The following NALCN variants were observed in gnomAD, a reference collection of about 807,000 sequenced individuals.
The protein encoded by NALCN is sodium leak channel NALCN.
In NALCN, 111 loss-of-function variants were observed where a neutral mutation model predicts 225.3. The observed-to-expected ratio is 0.49, with a 90% CI of 0.42 to 0.58. NALCN has a LOEUF of 0.58. Among genes scored for constraint, NALCN ranks in the 20% least tolerant of loss-of-function variants. The pLI, the probability that NALCN is intolerant of heterozygous loss-of-function variation, is 0.00. For synonymous variants in NALCN, 764 were observed against 769.0 expected, an observed-to-expected ratio of 0.99 and a Z score of 0.11; for missense variants, 1,378 against 2,202.4, an observed-to-expected ratio of 0.63 and a Z score of 7.49.
intron 18 of NALCN, among the ~76,000 whole-genome samples, chr13:101,123,797 T>C (rs910901385): frequency 1.3e-5 from 2 of 152,196 alleles, no homozygotes; most frequent in African/African-American, 2.4e-5. Context: ...TTCCAAGTTA[T>C]AGTAATATGC....
At chr13:101,195,343 T>C (rs2039845712) in intron 13 of NALCN, among the ~76,000 whole-genome samples, 1 of 152,216 alleles carries the variant, frequency 6.6e-6, no homozygotes, top group Non-Finnish European at 1.5e-5. Flanking sequence ...TCAGTGCATT[T>C]TCCCCTATAC....
Position 101,298,027 on chromosome 13 carries a change from A to G in NALCN, c.800-5661T>C, listed in dbSNP as rs139730555. 3.3e-5 allele frequency among the ~76,000 whole-genome samples: 5 copies of G among 152,300 alleles called. No individual in the cohort carries two copies. In the East Asian group the frequency reaches 9.7e-4, roughly 29 times the overall value. ...GAAACTTACACGTTACTCAACCACT[A>G]TACATGGATGACTATGCTGTATCTG... On this transcript the variant is annotated intron_variant, in intron 7 of 43. Transcript: ENST00000251127.
At chr13:101,263,173 C>T (rs1389484680) in intron 10 of NALCN, among the ~76,000 whole-genome samples, 1 of 152,066 alleles carries the variant, frequency 6.6e-6, no homozygotes, top group Non-Finnish European at 1.5e-5. Flanking sequence ...TTCCTGTCAC[C>T]GTGGCTATTG....
At chr13:101,108,638 C>T (rs2035271550) in intron 20 of NALCN, among the ~76,000 whole-genome samples, 1 of 152,146 alleles carries the variant, frequency 6.6e-6, no homozygotes, top group African/African-American at 2.4e-5. Flanking sequence ...GAGCTAGGAG[C>T]AGGCCTGGCG....
In NALCN at chr13:101,124,665, A is replaced by G. The variant is rs1176088930; in HGVS notation, c.2135T>C (p.Phe712Ser). 2 of 1,614,052 alleles carry G rather than the reference A, an allele frequency of 1.2e-6. No homozygotes were observed. The highest frequency in any genetic ancestry group is 8.5e-7 in the Non-Finnish European group (1 of 1,179,984). The change falls in exon 18 of 44, where the codon TTC becomes TCC. Residue 712 changes from phenylalanine to serine, a missense_variant. This residue lies in a region of NALCN where 100 missense variants were observed against 89.4 expected (regional missense o/e 1.12). Coordinates refer to ENST00000251127, the MANE Select transcript of NALCN (RefSeq NM_052867.4). ...YIDQKLRKSV[F>S]SIRARNLLEK... ...CAGAAGGTTCCTTGCCCTGATGCTG[A>G]AAACAGACTTGCGAAGCTGAAAATG...
intron 15 of NALCN, among the ~76,000 whole-genome samples, chr13:101,145,345 G>A (rs966153815): frequency 3.9e-5 from 6 of 152,114 alleles, no homozygotes; most frequent in African/African-American, 1.4e-4. Flanking sequence ...TTTGTAAAGA[G>A]AGACAATGGC....
intron 34 of NALCN, among the ~76,000 whole-genome samples, chr13:101,079,771 C>T (rs1465066405): frequency 2.0e-5 from 3 of 152,198 alleles, no homozygotes; most frequent in African/African-American, 7.2e-5. Context: ...TGAGAAAATA[C>T]TTCAGGATGA....
chr13:101,181,306 G>A (rs963563149), intron 14 of NALCN: 4 of 518,874 alleles, frequency 7.7e-6, no homozygotes, highest in African/African-American at 5.8e-5. Flanking sequence ...GGCGTCTTGA[G>A]TGCCACAGAG....
chr13:101,284,225 T>C (rs983898309), intron 9 of NALCN, among the ~76,000 whole-genome samples: 4 of 152,240 alleles, frequency 2.6e-5, no homozygotes, highest in Non-Finnish European at 5.9e-5. Flanking sequence ...CTTGAGTTTA[T>C]TGACTACTTG....
chr13:101,260,171 C>A (rs2042378398), intron 10 of NALCN, among the ~76,000 whole-genome samples: 3 of 152,148 alleles, frequency 2.0e-5, no homozygotes, highest in Admixed American at 1.3e-4. Flanking sequence ...ATAATGATCT[C>A]CAGTTCCATC....
chr13:101,211,984 A>G (rs2040542017), intron 13 of NALCN, among the ~76,000 whole-genome samples: 1 of 150,290 alleles, frequency 6.7e-6, no homozygotes, highest in East Asian at 1.9e-4. Context: ...ATTCTCCAAG[A>G]AAAAAAAAAT....
chr13:101,135,116 AC>A (rs1282632363), intron 17 of NALCN, among the ~76,000 whole-genome samples: 1 of 152,110 alleles, frequency 6.6e-6, no homozygotes, highest in African/African-American at 2.4e-5. Flanking sequence ...AATGGCGTGA[AC>A]CCGGGAGGCG....
At chr13:101,147,675 A>G (rs2037420806) in intron 15 of NALCN, among the ~76,000 whole-genome samples, 1 of 152,052 alleles carries the variant, frequency 6.6e-6, no homozygotes, top group Non-Finnish European at 1.5e-5. Context: ...AGTAGCCGGG[A>G]CTACAGGTGC....
At chr13:101,059,793 G>T in intron 42 of NALCN, 25 bp downstream of exon 42, 1 of 1,611,912 alleles carries the variant, frequency 6.2e-7, no homozygotes, top group South Asian at 1.1e-5. Context: ...AGTGTCCTGG[G>T]ACAGAGGACG....
chr13:101,249,533 T>A (rs7983838), intron 11 of NALCN, among the ~76,000 whole-genome samples: 81,299 of 152,042 alleles, frequency 0.53, 22,156 homozygotes, highest in East Asian at 0.58. Context: ...TAATGTCAGC[T>A]TATTGGATTT....
intron 11 of NALCN, among the ~76,000 whole-genome samples, chr13:101,248,564 G>A (rs1306279793): frequency 2.0e-5 from 3 of 152,106 alleles, no homozygotes; most frequent in African/African-American, 7.2e-5. Context: ...AGTGATTCCA[G>A]CGATCATGCC....
At chr13:101,063,676 T>C (rs2032140852) in intron 40 of NALCN, among the ~76,000 whole-genome samples, 3 of 152,198 alleles carry the variant, frequency 2.0e-5, no homozygotes, top group South Asian at 2.1e-4. Context: ...GGAGGTGAAA[T>C]TGATAACTTG....
chr13:101,195,265 A>C (rs945516810), intron 13 of NALCN, among the ~76,000 whole-genome samples: 1 of 152,032 alleles, frequency 6.6e-6, no homozygotes, highest in African/African-American at 2.4e-5. Flanking sequence ...TGACCATTTT[A>C]TTTTCTTTAT....
chr13:101,392,548 GT>G (rs2047176267), intron 3 of NALCN, among the ~76,000 whole-genome samples: 2 of 152,100 alleles, frequency 1.3e-5, no homozygotes, highest in Non-Finnish European at 2.9e-5. Context: ...TTTTGAACTA[GT>G]TAATGAAGAA....
Sources: gnomAD v4.1 joint callset for allele counts (sites outside exome capture counted in the v4.1 genomes callset) on GRCh38, gnomAD v4.1.1 for gene constraint, gnomAD v4.1.1 regional missense constraint, MANE v1.5 for transcripts, NCBI Gene and HGNC (gene_info 2026-07-23, HGNC 2026-07-21) for gene names.